MACROD1: variants seen among roughly 807,000 people sequenced by gnomAD.
The protein encoded by MACROD1 is ADP-ribose glycohydrolase MACROD1.
MACROD1 carries 31 observed loss-of-function variants against 41.4 expected under a neutral mutation model. The ratio of observed to expected loss-of-function variants is 0.75; its 90% CI spans 0.56 to 1.01. MACROD1 has a LOEUF of 1.01. Ranked by LOEUF, MACROD1 falls within the 50% of genes least tolerant of loss-of-function variation. The probability of loss-of-function intolerance (pLI) is 0.00; values close to 1 mark genes in which losing one functional copy is unlikely to be tolerated. For synonymous variants in MACROD1, 252 were observed against 203.4 expected (o/e 1.24, Z -2.03); for missense variants, 473 against 460.0 (o/e 1.03, Z -0.26).
intron 3 of MACROD1, among the ~76,000 whole-genome samples, chr11:64,142,736 G>C (rs1945431219): frequency 6.6e-6 from 1 of 152,160 alleles, no homozygotes; most frequent in South Asian, 2.1e-4. Flanking sequence ...TGTGGGGAGG[G>C]GGCCTCTTGG....
Position 64,096,556 on chromosome 11 carries a change from C to T in MACROD1, c.517+54683G>A, listed in dbSNP as rs1944580232. On this transcript the variant is annotated intron_variant, in intron 3 of 10. Transcript: ENST00000255681. This position sits in a 1 kb window ranked among gnomAD's most constrained non-coding sequence, Gnocchi z 4.6. ...TCAGCCCACCGAGTAGCTGGGATTACAGGCGCCTGCCATCACGCCCAGCTA... is the reference window on the plus strand; with the variant it reads ...TCAGCCCACCGAGTAGCTGGGATTATAGGCGCCTGCCATCACGCCCAGCTA... 6.6e-6 allele frequency among the ~76,000 whole-genome samples: 1 copy of T among 152,124 alleles called. No homozygotes were observed. The highest frequency in any genetic ancestry group is 2.4e-5 in the African/African-American group (1 of 41,434).
intron 3 of MACROD1, among the ~76,000 whole-genome samples, chr11:64,027,674 T>A (rs560532093): frequency 1.3e-5 from 2 of 152,088 alleles, no homozygotes; most frequent in Non-Finnish European, 2.9e-5. Context: ...TCTGGGGTTA[T>A]AGGTTATAGC....
intron 1 of MACROD1, among the ~76,000 whole-genome samples, chr11:64,164,689 C>T (rs959980656): frequency 6.6e-6 from 1 of 152,236 alleles, no homozygotes; most frequent in Non-Finnish European, 1.5e-5. Flanking sequence ...GCCATCTTCT[C>T]TTCACCCCTA....
intron 1 of MACROD1, 149 bp downstream of exon 1, chr11:64,165,548 G>T: frequency 1.6e-6 from 1 of 622,168 alleles, no homozygotes. Context: ...CTGTCAATGG[G>T]GAGGAGGGGT....
intron 3 of MACROD1, among the ~76,000 whole-genome samples, chr11:64,042,517 C>T (rs558844405): frequency 3.2e-4 from 48 of 152,266 alleles, no homozygotes; most frequent in Non-Finnish European, 3.8e-4. Flanking sequence ...TAACCTTTGA[C>T]CCCAGGGAGC....
At chr11:63,998,807 G>T in intron 10 of MACROD1, 31 bp downstream of exon 10, 1 of 1,497,024 alleles carries the variant, frequency 6.7e-7, no homozygotes, top group Non-Finnish European at 8.9e-7. Context: ...TCTAGGGCCG[G>T]GGCCGCCGCA....
At chr11:64,040,294 G>T (rs1195094624) in intron 3 of MACROD1, among the ~76,000 whole-genome samples, 1 of 152,106 alleles carries the variant, frequency 6.6e-6, no homozygotes, top group Non-Finnish European at 1.5e-5. Context: ...AGGGAAGGGG[G>T]TGCTTAAGAC....
intron 5 of MACROD1, chr11:64,000,011 G>T: frequency 3.1e-6 from 2 of 634,986 alleles, no homozygotes; most frequent in South Asian, 3.9e-5. Context: ...GGGCGCGAAG[G>T]CGTTGCCCCC....
At chr11:64,138,813 G>A (rs1262991664) in intron 3 of MACROD1, among the ~76,000 whole-genome samples, 1 of 151,926 alleles carries the variant, frequency 6.6e-6, no homozygotes, top group Non-Finnish European at 1.5e-5. Flanking sequence ...TGTCGCCCAG[G>A]CTGGAGTGCG....
rs577590409 is a variant in MACROD1 at position 64,058,611 on chromosome 11, C to T, written c.518-43330G>A. On this transcript the variant is annotated intron_variant, in intron 3 of 10. Transcript: ENST00000255681. The stretch of plus-strand genomic sequence containing the variant: ...CGGCAGCTGCCGGGTGCAGCGGGCA[C>T]GGCCCTGTAATTGGGCAGCCTGTTC... Among the ~76,000 whole-genome samples the T allele has an allele frequency of 5.3e-5, 8 of 152,362 alleles. No homozygotes were observed. The Middle Eastern group carries it at 0.01, about 194-fold the overall frequency.
chr11:64,044,602 C>G (rs1462602801), intron 3 of MACROD1, among the ~76,000 whole-genome samples: 2 of 152,156 alleles, frequency 1.3e-5, no homozygotes, highest in Admixed American at 1.3e-4. Context: ...TAAACTGAGG[C>G]ACTGAGTGGC....
chr11:64,021,814 T>A (rs969174332), intron 3 of MACROD1, among the ~76,000 whole-genome samples: 2 of 151,724 alleles, frequency 1.3e-5, no homozygotes, highest in African/African-American at 4.8e-5. Flanking sequence ...GCAGCCCTGC[T>A]GGCACGTGCA....
At chr11:64,151,438 T>A in intron 2 of MACROD1, 83 bp from the exon 3 acceptor site, 1 of 1,004,002 alleles carries the variant, frequency 1.0e-6, no homozygotes, top group Non-Finnish European at 1.6e-6. Flanking sequence ...GCCAGGGCCT[T>A]CCCTATCGAC....
intron 3 of MACROD1, among the ~76,000 whole-genome samples, chr11:64,092,614 C>T (rs1247847090): frequency 6.6e-5 from 10 of 152,258 alleles, no homozygotes; most frequent in Non-Finnish European, 7.3e-5. Flanking sequence ...TCTCATTCAG[C>T]CCTCACTTGC....
chr11:64,026,455 C>A (rs915839115), intron 3 of MACROD1, among the ~76,000 whole-genome samples: 1 of 152,194 alleles, frequency 6.6e-6, no homozygotes, highest in Admixed American at 6.5e-5. Flanking sequence ...CATCTTTACA[C>A]GCCCCATGCA....
At chr11:64,097,073 C>T (rs572042316) in intron 3 of MACROD1, among the ~76,000 whole-genome samples, 18 of 152,374 alleles carry the variant, frequency 1.2e-4, no homozygotes, top group African/African-American at 3.6e-4. Flanking sequence ...CCCTGCTGCC[C>T]GGGGATGGCG....
chr11:64,134,474 G>C (rs762644859), intron 3 of MACROD1, among the ~76,000 whole-genome samples: 1 of 152,206 alleles, frequency 6.6e-6, no homozygotes, highest in South Asian at 2.1e-4. Context: ...CAGGGAGGAG[G>C]GAAAGCAAAG....
chr11:64,165,725 G>A lies in MACROD1; in HGVS notation c.270C>T (p.Ser90=). Residue 90 remains serine (S), a synonymous_variant, in exon 1 of 11, where the codon AGC becomes AGT. Transcript: ENST00000255681. ...TCGCCTCCTTCCAGTCGGTGGAGGT[G>A]CTCAGGTCCACCTTCGCCGCCATGG... ...PLAMAAKVDL[S]TSTDWKEAKS... is the part of the protein sequence containing the mutation. The A allele has an allele frequency of 6.7e-7, 1 of 1,488,322 alleles. No individual in the cohort carries two copies. Among genetic ancestry groups the A allele is most frequent in the Non-Finnish European group, 8.9e-7 (1 of 1,120,874 alleles). The allele number at this position is 1,488,322 out of a possible 1,614,324, so 92.2% of individuals were successfully genotyped here. A position where few individuals can be genotyped will look rare whatever the true frequency, so the allele number is the denominator to read the frequency against.
intron 3 of MACROD1, chr11:64,117,990 T>C: frequency 6.2e-7 from 1 of 1,613,798 alleles, no homozygotes; most frequent in Non-Finnish European, 8.5e-7. Flanking sequence ...GGCCATCTGC[T>C]GGTACGTGCA....
Sources: allele counts gnomAD v4.1 joint callset (sites outside exome capture counted in the v4.1 genomes callset), GRCh38; gene constraint gnomAD v4.1.1; non-coding constraint Gnocchi (gnomAD v3.1); transcripts MANE v1.5; gene names NCBI Gene and HGNC (gene_info 2026-07-23, HGNC 2026-07-21).